The following TBC1D5 variants were observed in gnomAD, a reference collection of about 807,000 sequenced individuals.
The protein encoded by TBC1D5 is TBC1 domain family, member 5.
TBC1D5 carries 75 observed loss-of-function variants against 100.3 expected under a neutral mutation model. The ratio of observed to expected loss-of-function variants is 0.75; its 90% CI spans 0.62 to 0.91. TBC1D5 has a LOEUF of 0.91. TBC1D5 is among the 40% of genes least tolerant of loss of function. The probability of loss-of-function intolerance (pLI) is 0.00; values close to 1 mark genes in which losing one functional copy is unlikely to be tolerated. For missense variants in TBC1D5, 910 were observed against 942.4 expected, an observed-to-expected ratio of 0.97 and a Z score of 0.45; for synonymous variants, 323 against 325.6, an observed-to-expected ratio of 0.99 and a Z score of 0.09.
At chr3:17,588,010 T>G (rs540066415) in intron 2 of TBC1D5, among the ~76,000 whole-genome samples, 1 of 152,206 alleles carries the variant, frequency 6.6e-6, no homozygotes, top group East Asian at 1.9e-4. Flanking sequence ...TCACTACTAT[T>G]CAGAGAATGA....
exon 13 of TBC1D5, chr3:17,372,085 T>C: frequency 6.5e-7 from 1 of 1,547,306 alleles, no homozygotes; most frequent in African/African-American, 1.4e-5. Context: ...AACCCATATA[T>C]CTGTGGTGCA....
chr3:17,741,317 G>A (rs1304501215), upstream of TBC1D5, among the ~76,000 whole-genome samples: 1 of 152,194 alleles, frequency 6.6e-6, no homozygotes, highest in African/African-American at 2.4e-5. Flanking sequence ...GTTTACAAAT[G>A]AATTCAGAGA....
At chr3:17,196,297 A>G (rs2125714023) in intron 18 of TBC1D5, among the ~76,000 whole-genome samples, 1 of 152,298 alleles carries the variant, frequency 6.6e-6, no homozygotes, top group East Asian at 1.9e-4. Context: ...CAAGTGCTGA[A>G]AGCTCCTAGC....
At chr3:17,533,974 A>T (rs74555047) in intron 2 of TBC1D5, among the ~76,000 whole-genome samples, 2,565 of 152,216 alleles carry the variant, frequency 0.017, 41 homozygotes, top group South Asian at 0.032. Flanking sequence ...TCTCTCTCTA[A>T]CCTATATAAC....
At chr3:17,297,630 T>C (rs2082391292) in intron 14 of TBC1D5, among the ~76,000 whole-genome samples, 2 of 151,990 alleles carry the variant, frequency 1.3e-5, no homozygotes, top group Non-Finnish European at 2.9e-5. Context: ...CAACCCAGGC[T>C]ATAGTCCAGT....
intron 13 of TBC1D5, among the ~76,000 whole-genome samples, chr3:17,336,166 G>A (rs2087751804): frequency 6.6e-6 from 1 of 152,006 alleles, no homozygotes; most frequent in South Asian, 2.1e-4. Flanking sequence ...AGAAGCCAAA[G>A]ATAGCTAGTA....
chr3:17,652,998 T>C (rs1035215328), intron 1 of TBC1D5, among the ~76,000 whole-genome samples: 1 of 152,202 alleles, frequency 6.6e-6, no homozygotes, highest in Non-Finnish European at 1.5e-5. Flanking sequence ...TGACAAATGC[T>C]AAGATACGGA....
At chr3:17,423,776 A>G (rs941007376) in intron 4 of TBC1D5, among the ~76,000 whole-genome samples, 2 of 152,172 alleles carry the variant, frequency 1.3e-5, no homozygotes, top group Admixed American at 1.3e-4. Context: ...AATATAATGT[A>G]CACATTTAAT....
At chr3:17,435,174 T>C (rs2094513575) in intron 3 of TBC1D5, among the ~76,000 whole-genome samples, 1 of 152,166 alleles carries the variant, frequency 6.6e-6, no homozygotes, top group Non-Finnish European at 1.5e-5. Context: ...CTCTAGGAAA[T>C]TCCAAACTTT....
chr3:17,319,945 C>T (rs1424137655), intron 13 of TBC1D5, among the ~76,000 whole-genome samples: 3 of 152,146 alleles, frequency 2.0e-5, no homozygotes, highest in Non-Finnish European at 4.4e-5. Context: ...AAATGAAGAT[C>T]GTTCCAAATA....
intron 1 of TBC1D5, among the ~76,000 whole-genome samples, chr3:17,695,209 G>A (rs1200641430): frequency 1.3e-5 from 2 of 152,036 alleles, no homozygotes; most frequent in Admixed American, 6.5e-5. Context: ...AATAACCAGG[G>A]AACATCATAA....
intron 21 of TBC1D5, among the ~76,000 whole-genome samples, chr3:17,162,501 T>C (rs2066163186): frequency 6.6e-6 from 1 of 152,240 alleles, no homozygotes; most frequent in Non-Finnish European, 1.5e-5. Flanking sequence ...TTTAGGATAT[T>C]CAGTCAGAGA....
chr3:17,247,952 TG>T (rs2076873542), intron 16 of TBC1D5, among the ~76,000 whole-genome samples: 2 of 152,058 alleles, frequency 1.3e-5, no homozygotes, highest in Non-Finnish European at 2.9e-5. Flanking sequence ...CTAGTTCTCT[TG>T]CTATTTTCAC....
At chr3:17,215,887 C>T (rs2073577047) in intron 17 of TBC1D5, among the ~76,000 whole-genome samples, 1 of 152,110 alleles carries the variant, frequency 6.6e-6, no homozygotes, top group Admixed American at 6.6e-5. Context: ...TATCTACTCC[C>T]AGTACCTGGG....
chr3:17,498,689 C>T (rs925419883), intron 3 of TBC1D5, among the ~76,000 whole-genome samples: 2 of 151,926 alleles, frequency 1.3e-5, no homozygotes, highest in African/African-American at 4.8e-5. Flanking sequence ...GACTACTGTG[C>T]TTGCTATTCA....
At chr3:17,379,918 A>G (rs79512177) in intron 9 of TBC1D5, among the ~76,000 whole-genome samples, 2,497 of 152,024 alleles carry the variant, frequency 0.016, 51 homozygotes, top group South Asian at 0.047. Context: ...ACCATACTCA[A>G]CTGTTTTTGA....
chr3:17,313,524 A>C (rs999827567), intron 13 of TBC1D5, among the ~76,000 whole-genome samples: 1 of 152,198 alleles, frequency 6.6e-6, no homozygotes, highest in African/African-American at 2.4e-5. Flanking sequence ...AATTACTCCT[A>C]TCCTCCGTAA....
chr3:17,457,766 CAGATGTA>C (rs1389840562), intron 3 of TBC1D5, among the ~76,000 whole-genome samples: 2 of 151,770 alleles, frequency 1.3e-5, no homozygotes, highest in Non-Finnish European at 2.9e-5. Context: ...TTATTGTCAT[CAGATGTA>C]TGACAGTAAA....
At chr3:17,454,841 C>A (rs1035510591) in intron 3 of TBC1D5, among the ~76,000 whole-genome samples, 13 of 151,934 alleles carry the variant, frequency 8.6e-5, no homozygotes, top group African/African-American at 3.1e-4. Flanking sequence ...ACAATAGCCA[C>A]AAATAAAATT....
Sources: gnomAD v4.1 joint callset for allele counts (sites outside exome capture counted in the v4.1 genomes callset) on GRCh38, gnomAD v4.1.1 for gene constraint, MANE v1.5 for transcripts, NCBI Gene and HGNC (gene_info 2026-07-23, HGNC 2026-07-21) for gene names.